Variants in ZMYM4 observed in about 807,000 individuals in gnomAD.
ZMYM4 encodes zinc finger MYM-type containing 4, also known as zinc finger MYM-type protein 4.
In ZMYM4, 31 loss-of-function variants were observed where a neutral mutation model predicts 183.2. That is an observed-to-expected ratio of 0.17 (90% CI 0.13 to 0.23). The LOEUF (loss-of-function observed/expected upper bound fraction) is 0.23. Ranked by LOEUF, ZMYM4 falls within the 10% of genes least tolerant of loss-of-function variation. ZMYM4 has a pLI of 1.00. For missense variants in ZMYM4, 1,273 were observed against 1,840.3 expected, an observed-to-expected ratio of 0.69 and a Z score of 5.64; for synonymous variants, 592 against 631.2, an observed-to-expected ratio of 0.94 and a Z score of 0.93.
intron 2 of ZMYM4, among the ~76,000 whole-genome samples, chr1:35,339,143 T>C (rs1362804609): frequency 6.6e-6 from 1 of 152,234 alleles, no homozygotes; most frequent in Non-Finnish European, 1.5e-5. Flanking sequence ...ATATTGATGA[T>C]TGCATTTGTT....
intron 9 of ZMYM4, among the ~76,000 whole-genome samples, chr1:35,384,092 C>T (rs1644523113): frequency 6.6e-6 from 1 of 152,098 alleles, no homozygotes; most frequent in African/African-American, 2.4e-5. Flanking sequence ...CTGCCTGTCT[C>T]CTGAGAAAGA....
At chr1:35,305,900 A>G (rs1641512470) in intron 1 of ZMYM4, among the ~76,000 whole-genome samples, 2 of 152,002 alleles carry the variant, frequency 1.3e-5, no homozygotes, top group African/African-American at 2.4e-5. Flanking sequence ...GTTATATATA[A>G]TATCAGGGTT....
At chr1:35,346,612 C>T (rs553461786) in intron 2 of ZMYM4, among the ~76,000 whole-genome samples, 15 of 133,798 alleles carry the variant, frequency 1.1e-4, no homozygotes, top group African/African-American at 3.6e-4. Flanking sequence ...GATCATGCCA[C>T]TGTACTCCAG....
intron 1 of ZMYM4, among the ~76,000 whole-genome samples, chr1:35,313,378 C>G (rs1156749747): frequency 1.2e-5 from 1 of 83,324 alleles, no homozygotes; most frequent in Admixed American, 1.2e-4. Context: ...GTCACTTTTT[C>G]TTTTTCTTTT....
At chr1:35,332,844 A>G (rs186519835) in intron 2 of ZMYM4, among the ~76,000 whole-genome samples, 3 of 151,860 alleles carry the variant, frequency 2.0e-5, no homozygotes, top group Non-Finnish European at 2.9e-5. Context: ...ATAGGCCTGC[A>G]CCTCTGCACT....
intron 9 of ZMYM4, among the ~76,000 whole-genome samples, chr1:35,382,688 A>C (rs1023200798): frequency 4.6e-5 from 7 of 151,954 alleles, no homozygotes; most frequent in South Asian, 2.1e-4. Context: ...CAAGTGATCC[A>C]CCTGCCTCGG....
At chr1:35,418,410 T>A in intron 28 of ZMYM4, 33 bp from the exon 29 acceptor site, 1 of 1,607,978 alleles carries the variant, frequency 6.2e-7, no homozygotes, top group South Asian at 1.1e-5. Flanking sequence ...ACTTTTCTAA[T>A]ATAATCCTTT....
intron 5 of ZMYM4, among the ~76,000 whole-genome samples, chr1:35,364,323 C>G (rs772964323): frequency 1.3e-5 from 2 of 152,104 alleles, no homozygotes; most frequent in Non-Finnish European, 2.9e-5. Flanking sequence ...GTGGATAGAG[C>G]TAGGTTTTCC....
chr1:35,352,407 C>T (rs1279068591), intron 2 of ZMYM4, among the ~76,000 whole-genome samples: 1 of 151,936 alleles, frequency 6.6e-6, no homozygotes, highest in Non-Finnish European at 1.5e-5. Context: ...CACACACACA[C>T]ACACACACAC....
At chr1:35,315,797 G>C (rs1016747018) in intron 1 of ZMYM4, among the ~76,000 whole-genome samples, 6 of 152,022 alleles carry the variant, frequency 3.9e-5, no homozygotes, top group African/African-American at 1.4e-4. Flanking sequence ...TTCACTGGAT[G>C]TACCTGTAGT....
At position 35,389,738 on chromosome 1, in the gene ZMYM4, G is replaced by C. The variant is rs887483115; in HGVS notation, c.2437-210G>C. 7.4e-5 allele frequency among the ~76,000 whole-genome samples: 11 copies of C among 148,798 alleles called. No homozygotes were observed. The highest frequency in any genetic ancestry group is 1.5e-4 in the Non-Finnish European group (10 of 67,454). ...CCACTGCACTCCAGCCTGGGCGATA[G>C]AGCAAGGCTCTGTCTCAAAAAAAAA... is the stretch of plus-strand genomic sequence containing the variant. On this transcript the variant is annotated intron_variant, in intron 14 of 29. Coordinates refer to ENST00000314607, the MANE Select transcript of ZMYM4 (RefSeq NM_005095.3). The surrounding 1 kb of genome is among the most constrained non-coding windows in gnomAD (Gnocchi z 4.0).
chr1:35,376,853 CA>C (rs1023096603), intron 7 of ZMYM4, among the ~76,000 whole-genome samples: 29 of 151,700 alleles, frequency 1.9e-4, no homozygotes, highest in African/African-American at 7.0e-4. Context: ...GCTTCTGTTA[CA>C]GTATTTTATA....
chr1:35,390,040 T>C lies in ZMYM4; in HGVS notation c.2529T>C (p.Cys843=). The C allele has an allele frequency of 6.2e-7, 1 of 1,614,086 alleles. No homozygotes were observed. The highest frequency in any genetic ancestry group is 8.5e-7 in the Non-Finnish European group (1 of 1,180,000). The change falls in exon 15 of 30, where the codon TGT becomes TGC. Residue 843 remains cysteine (C), a synonymous_variant. Coordinates refer to ENST00000314607, the MANE Select transcript of ZMYM4 (RefSeq NM_005095.3). ...GEMKHFCNLL[C]ILMFCNQQSV... ...TGAAACATTTCTGTAACCTGCTTTG[T>C]ATCTTGATGTTCTGTAATCAGCAAA...
At chr1:35,309,324 T>C (rs1641687400) in intron 1 of ZMYM4, among the ~76,000 whole-genome samples, 1 of 152,238 alleles carries the variant, frequency 6.6e-6, no homozygotes, top group African/African-American at 2.4e-5. Flanking sequence ...ATTTTAAGAA[T>C]AGCTTTATGA....
intron 1 of ZMYM4, among the ~76,000 whole-genome samples, chr1:35,276,880 T>C (rs1372594334): frequency 6.6e-6 from 1 of 152,228 alleles, no homozygotes; most frequent in Non-Finnish European, 1.5e-5. Context: ...GTGCTGGGAT[T>C]ATAGGCATGA....
At chr1:35,404,452 G>A (rs562916482) in intron 23 of ZMYM4, among the ~76,000 whole-genome samples, 1 of 152,208 alleles carries the variant, frequency 6.6e-6, no homozygotes, top group African/African-American at 2.4e-5. Flanking sequence ...TACTACAAAT[G>A]TCCCTTTAAG....
At chr1:35,374,419 T>A (rs1644290039) in intron 7 of ZMYM4, among the ~76,000 whole-genome samples, 1 of 152,176 alleles carries the variant, frequency 6.6e-6, no homozygotes, top group Non-Finnish European at 1.5e-5. Context: ...ATGAAATCAT[T>A]CACATAATAA....
At chr1:35,271,290 A>T (rs1639585709) in intron 1 of ZMYM4, among the ~76,000 whole-genome samples, 1 of 152,018 alleles carries the variant, frequency 6.6e-6, no homozygotes, top group Non-Finnish European at 1.5e-5. Context: ...GATTTTAAAT[A>T]TATTCTGCCT....
intron 7 of ZMYM4, among the ~76,000 whole-genome samples, chr1:35,372,659 A>C (rs1409868046): frequency 2.6e-5 from 4 of 152,162 alleles, no homozygotes; most frequent in Non-Finnish European, 5.9e-5. Context: ...TTGGGACCAG[A>C]GGTGTTTCAG....
Sources: gnomAD v4.1 joint callset for allele counts (sites outside exome capture counted in the v4.1 genomes callset) on GRCh38, gnomAD v4.1.1 for gene constraint, Gnocchi (gnomAD v3.1) non-coding constraint, MANE v1.5 for transcripts, NCBI Gene and HGNC (gene_info 2026-07-23, HGNC 2026-07-21) for gene names.